AGFG1: variants seen among roughly 807,000 people sequenced by gnomAD.
AGFG1 encodes ArfGAP with FG repeats 1.
In AGFG1, 10 loss-of-function variants were observed where a neutral mutation model predicts 60.6. The ratio of observed to expected loss-of-function variants is 0.16; its 90% CI spans 0.10 to 0.28. The LOEUF (loss-of-function observed/expected upper bound fraction) is 0.28. AGFG1 is among the 10% of genes least tolerant of loss of function. The probability of loss-of-function intolerance (pLI) is 1.00; values close to 1 mark genes in which losing one functional copy is unlikely to be tolerated. For missense variants in AGFG1, 537 were observed against 676.5 expected, an observed-to-expected ratio of 0.79 and a Z score of 2.29; for synonymous variants, 247 against 242.9, an observed-to-expected ratio of 1.02 and a Z score of -0.16.
At chr2:227,553,609 G>A (rs1205643881) in intron 11 of AGFG1, 95 bp from the exon 12 acceptor site, 1 of 1,003,094 alleles carries the variant, frequency 1.0e-6, no homozygotes. Context: ...TTGCTGCTCT[G>A]GTAGGAATGT....
At chr2:227,537,921 A>G (rs1486124263) in intron 10 of AGFG1, among the ~76,000 whole-genome samples, 1 of 152,192 alleles carries the variant, frequency 6.6e-6, no homozygotes, top group Non-Finnish European at 1.5e-5. Flanking sequence ...GAATCACAGT[A>G]TTAGGAGTTT....
At position 227,557,559 on chromosome 2, in the gene AGFG1, A is replaced by G. The variant is rs755263667; in HGVS notation, c.*3064A>G. On this transcript the variant is annotated 3_prime_UTR_variant, in exon 13 of 13. Transcript: ENST00000310078. Reference sequence around the variant, plus strand: ...GCTTGTATCTCTGAGAATTTATTGTATTAAAATTAATACTGAGATATTTTT... The same window carrying G: ...GCTTGTATCTCTGAGAATTTATTGTGTTAAAATTAATACTGAGATATTTTT... 2 of 150,640 alleles carry G rather than the reference A, an allele frequency of 1.3e-5. No individual in the cohort carries two copies. The highest frequency in any genetic ancestry group is 2.4e-5 in the African/African-American group (1 of 40,948). 9.3% of individuals were successfully genotyped at this position (150,640 alleles called of 1,614,324 possible).
intron 10 of AGFG1, chr2:227,550,197 G>T: frequency 3.2e-6 from 1 of 311,294 alleles, no homozygotes. Flanking sequence ...CCCTGCATGT[G>T]GAATTAAGTT....
chr2:227,529,721 A>G (rs1692105319), intron 5 of AGFG1, among the ~76,000 whole-genome samples: 1 of 152,258 alleles, frequency 6.6e-6, no homozygotes, highest in East Asian at 1.9e-4. Context: ...GATTTTTGTC[A>G]CATTCTATAC....
At chr2:227,512,897 A>G (rs1014258427) in intron 2 of AGFG1, among the ~76,000 whole-genome samples, 2 of 152,242 alleles carry the variant, frequency 1.3e-5, no homozygotes, top group Non-Finnish European at 2.9e-5. Flanking sequence ...TATGAAATCT[A>G]GTTGGATGTA....
intron 10 of AGFG1, among the ~76,000 whole-genome samples, chr2:227,541,706 C>A (rs531673761): frequency 4.3e-4 from 65 of 151,930 alleles, no homozygotes; most frequent in South Asian, 3.3e-3. Flanking sequence ...TATGAACTTT[C>A]AAGTAGTTTT....
Position 227,531,213 on chromosome 2 carries a change from A to G in AGFG1, c.814+3A>G, listed in dbSNP as rs1252969268. On this transcript the variant is annotated splice_donor_region_variant and intron_variant, in intron 6 of 12. Transcript: ENST00000310078. Reference sequence around the variant, plus strand: ...TCCTTTTCAGCCCCAAACTACAGGTAGAGCTTCTCCAGCATTGTGCTTAAA... The same window carrying G: ...TCCTTTTCAGCCCCAAACTACAGGTGGAGCTTCTCCAGCATTGTGCTTAAA... The G allele has an allele frequency of 1.2e-6, 2 of 1,612,578 alleles. No individual in the cohort carries two copies. The highest frequency in any genetic ancestry group is 2.2e-5 in the East Asian group (1 of 44,838).
intron 10 of AGFG1, among the ~76,000 whole-genome samples, chr2:227,538,855 A>G (rs2106227445): frequency 6.6e-6 from 1 of 152,348 alleles, no homozygotes; most frequent in Admixed American, 6.5e-5. Flanking sequence ...AGATGATATA[A>G]GATAATTCTA....
chr2:227,475,974 T>G (rs1398600943), intron 1 of AGFG1, among the ~76,000 whole-genome samples: 1 of 152,248 alleles, frequency 6.6e-6, no homozygotes, highest in East Asian at 1.9e-4. Flanking sequence ...GTGACATACC[T>G]TCTATCATTT....
At chr2:227,479,867 G>T (rs1414324980) in intron 1 of AGFG1, among the ~76,000 whole-genome samples, 1 of 152,220 alleles carries the variant, frequency 6.6e-6, no homozygotes, top group African/African-American at 2.4e-5. Context: ...ACATTAGAAT[G>T]AAATTCATGA....
chr2:227,505,628 AT>A (rs1691290497), intron 2 of AGFG1, among the ~76,000 whole-genome samples: 1 of 151,364 alleles, frequency 6.6e-6, no homozygotes, highest in Admixed American at 6.6e-5. Flanking sequence ...TAGCATTTGT[AT>A]TTTTTCTGTT....
chr2:227,536,944 T>C lies in AGFG1; in HGVS notation c.1329T>C (p.Ser443=). ...TNPFVAAAGP[S]VASSTNPFQT... ...CATTTGTTGCTGCTGCTGGTCCTTCTGTGGCATCTTCTACAAACCCATTTC... is the reference window on the plus strand; with the variant it reads ...CATTTGTTGCTGCTGCTGGTCCTTCCGTGGCATCTTCTACAAACCCATTTC... The change falls in exon 10 of 13, where the codon TCT becomes TCC. Residue 443 remains serine (S), a synonymous_variant. Coordinates refer to ENST00000310078, the MANE Select transcript of AGFG1 (RefSeq NM_004504.5). 6.2e-7 allele frequency: 1 copy of C among 1,613,162 alleles called. No homozygotes were observed. Among genetic ancestry groups the C allele is most frequent in the Non-Finnish European group, 8.5e-7 (1 of 1,179,388 alleles).
At chr2:227,545,576 G>T (rs1189114599) in intron 10 of AGFG1, among the ~76,000 whole-genome samples, 1 of 152,170 alleles carries the variant, frequency 6.6e-6, no homozygotes. Flanking sequence ...TTTCTGCTCT[G>T]GTTTCTCCCC....
intron 1 of AGFG1, among the ~76,000 whole-genome samples, chr2:227,480,413 T>G (rs891914404): frequency 6.7e-6 from 1 of 149,902 alleles, no homozygotes; most frequent in Non-Finnish European, 1.5e-5. Flanking sequence ...TTTTATTTTA[T>G]TTTTGAGATG....
chr2:227,546,099 T>C (rs1382048505), intron 10 of AGFG1, among the ~76,000 whole-genome samples: 2 of 152,224 alleles, frequency 1.3e-5, no homozygotes, highest in Non-Finnish European at 2.9e-5. Context: ...TGGTGGAGTC[T>C]ATAGAGGCAG....
intron 1 of AGFG1, among the ~76,000 whole-genome samples, chr2:227,479,459 T>A (rs1291979813): frequency 6.6e-6 from 1 of 152,228 alleles, no homozygotes; most frequent in Non-Finnish European, 1.5e-5. Flanking sequence ...TTAAAAGAAC[T>A]TGCCGACCTC....
intron 2 of AGFG1, among the ~76,000 whole-genome samples, chr2:227,493,936 C>T (rs1020419407): frequency 2.0e-5 from 3 of 152,120 alleles, no homozygotes; most frequent in African/African-American, 4.8e-5. Flanking sequence ...TTGAGGGTAA[C>T]TAGAACCTAA....
At chr2:227,496,369 G>C (rs1690974844) in intron 2 of AGFG1, among the ~76,000 whole-genome samples, 1 of 151,560 alleles carries the variant, frequency 6.6e-6, no homozygotes, top group African/African-American at 2.4e-5. Flanking sequence ...GTGAACCTGG[G>C]TGGTGGAGCT....
chr2:227,476,905 T>C (rs1351377372), intron 1 of AGFG1, among the ~76,000 whole-genome samples: 10 of 364 alleles, frequency 0.027, no homozygotes, highest in Middle Eastern at 0.5. Flanking sequence ...CTCTCTCTCT[T>C]TTTTTTTTTT....
Sources: gnomAD v4.1 joint callset for allele counts (sites outside exome capture counted in the v4.1 genomes callset) on GRCh38, gnomAD v4.1.1 for gene constraint, MANE v1.5 for transcripts, NCBI Gene and HGNC (gene_info 2026-07-23, HGNC 2026-07-21) for gene names.